The following ZNF473 variants were observed in gnomAD, a reference collection of about 807,000 sequenced individuals.
The protein encoded by ZNF473 is zinc finger protein 100 homolog.
ZNF473 carries 4 observed loss-of-function variants against 11.1 expected under a neutral mutation model. The ratio of observed to expected loss-of-function variants is 0.36; its 90% CI spans 0.18 to 0.82. ZNF473 has a LOEUF of 0.82. ZNF473 is among the 40% of genes least tolerant of loss of function. The probability of loss-of-function intolerance (pLI) is 0.49; values close to 1 mark genes in which losing one functional copy is unlikely to be tolerated. For missense variants in ZNF473, 854 were observed against 1,084.0 expected (o/e 0.79, Z 2.98); for synonymous variants, 404 against 390.4 (o/e 1.03, Z -0.41).
In ZNF473 at chr19:50,044,516, G is replaced by A. The variant is rs10410738; in HGVS notation, c.227-154G>A. On this transcript the variant is annotated intron_variant, in intron 4 of 4. Coordinates refer to ENST00000270617, the MANE Select transcript of ZNF473 (RefSeq NM_015428.4). ...CTCCCTTCTTGACCCTCCTGGGAAT[G>A]GGCTCTGTCTGTTTTCTGTGATGCC... 0.018 allele frequency: 11,187 copies of A among 618,540 alleles called. 937 individuals are homozygous for A. The African/African-American group carries it at 0.18, about 10-fold the overall frequency. 38.3% of individuals were successfully genotyped at this position (618,540 alleles called of 1,614,324 possible).
intron 4 of ZNF473, chr19:50,043,461 A>C (rs998182808): frequency 2.8e-5 from 4 of 145,286 alleles, no homozygotes; most frequent in African/African-American, 7.5e-5. Flanking sequence ...ATATATATAT[A>C]TATATATATA....
chr19:50,032,283 A>G (rs2077322411), intron 2 of ZNF473, among the ~76,000 whole-genome samples: 2 of 151,388 alleles, frequency 1.3e-5, no homozygotes, highest in South Asian at 4.2e-4. Context: ...TACTCTTGAC[A>G]GGATATAGAC....
At position 50,045,669 on chromosome 19, in the gene ZNF473, G is replaced by A; in HGVS notation, c.1226G>A (p.Gly409Glu). The change falls in exon 5 of 5, where the codon GGG (glycine) becomes GAG (glutamate). Residue 409 changes from glycine (G) to glutamate (E), a missense_variant. Physicochemically the swap from Gly to Glu is moderately conservative, Grantham distance 98. This residue lies in a region of ZNF473 where 668 missense variants were observed against 790.2 expected (regional missense o/e 0.85). Transcript: ENST00000270617. ...GEEPYKCNER[G>E]KSFRHNSTLK... is the part of the protein sequence containing the mutation. ...GAGCCTTATAAGTGTAACGAACGTGGGAAATCCTTCAGGCATAACTCTACC... is the reference window on the plus strand; with the variant it reads ...GAGCCTTATAAGTGTAACGAACGTGAGAAATCCTTCAGGCATAACTCTACC... The A allele has an allele frequency of 6.2e-7, 1 of 1,614,048 alleles. No homozygotes were observed. The highest frequency in any genetic ancestry group is 8.5e-7 in the Non-Finnish European group (1 of 1,179,990).
Position 50,044,845 on chromosome 19 carries a change from G to A in ZNF473, c.402G>A (p.Arg134=). The A allele has an allele frequency of 1.2e-6, 2 of 1,614,232 alleles. No homozygotes were observed. Among genetic ancestry groups the A allele is most frequent in the Non-Finnish European group, 1.7e-6 (2 of 1,180,042 alleles). ...TAGGCGATCCAGAAAGTCTTCTGAG[G>A]TCTGATATTGCCACCAACGGGGAAA... ...SLLGDPESLL[R]SDIATNGESP... is the part of the protein sequence containing the mutation. Residue 134 remains arginine, a synonymous_variant, in exon 5 of 5, where the codon AGG becomes AGA. Transcript: ENST00000270617.
chr19:50,039,293 T>G lies in ZNF473; in HGVS notation c.136+6T>G. On this transcript the variant is annotated splice_donor_region_variant and intron_variant, in intron 3 of 4. Coordinates refer to ENST00000270617, the MANE Select transcript of ZNF473 (RefSeq NM_015428.4). The surrounding 1 kb of genome is among the most constrained non-coding windows in gnomAD (Gnocchi z 4.8). ...CCAGGACCTCTTCCTGCTGGGTGAGTGTTGCCTGTCCCCAGGGGCCTACTC... is the reference window on the plus strand; with the variant it reads ...CCAGGACCTCTTCCTGCTGGGTGAGGGTTGCCTGTCCCCAGGGGCCTACTC... 27 of 1,613,764 alleles carry G rather than the reference T, an allele frequency of 1.7e-5. No individual in the cohort carries two copies. Among genetic ancestry groups the G allele is most frequent in the Non-Finnish European group, 2.3e-5 (27 of 1,179,804 alleles).
intron 2 of ZNF473, among the ~76,000 whole-genome samples, chr19:50,033,715 G>T (rs932541588): frequency 6.6e-6 from 1 of 152,264 alleles, no homozygotes; most frequent in East Asian, 1.9e-4. Flanking sequence ...TCCTTCTGGA[G>T]GCCCTAGGGA....
chr19:50,047,302 T>C lies in ZNF473; in HGVS notation c.*243T>C. The C allele has an allele frequency of 2.2e-6, 1 of 448,972 alleles. No homozygotes were observed. The highest frequency in any genetic ancestry group is 4.0e-6 in the Non-Finnish European group (1 of 247,066). The allele number at this position is 448,972 out of a possible 1,614,324, so 27.8% of individuals were successfully genotyped here. A position where few individuals can be genotyped will look rare whatever the true frequency, so the allele number is the denominator to read the frequency against. ...GTTAAATCCCACCTCTGCCATCTAC[T>C]ACCTAAGTGACCTTGGGAAGGTCAG... On this transcript the variant is annotated 3_prime_UTR_variant, in exon 5 of 5. Transcript: ENST00000270617.
Position 50,044,803 on chromosome 19 carries a change from C to A in ZNF473, c.360C>A (p.Thr120=). 6.2e-7 allele frequency: 1 copy of A among 1,614,168 alleles called. No individual in the cohort carries two copies. The highest frequency in any genetic ancestry group is 1.1e-5 in the South Asian group (1 of 91,078). Residue 120 remains threonine, a synonymous_variant, in exon 5 of 5, where the codon ACC becomes ACA. Coordinates refer to ENST00000270617, the MANE Select transcript of ZNF473 (RefSeq NM_015428.4). ...SNFGEACIED[T]WLDSLLGDPE... ...TCGGAGAAGCCTGTATAGAGGACAC[C>A]TGGTTAGATAGTTTGCTAGGCGATC...
chr19:50,046,794 A>T lies in ZNF473; in HGVS notation c.2351A>T (p.Lys784Met). The stretch of plus-strand genomic sequence containing the variant: ...CACCGGAGAGTTCACACTGGGGAGA[A>T]GCCCTACAGATGTGGTGAATGTGGG... ...SIHRRVHTGE[K>M]PYRCGECGKA... Residue 784 changes from lysine to methionine, a missense_variant, in exon 5 of 5, where the codon AAG (lysine) becomes ATG (methionine). Lys to Met is a moderately conservative substitution (Grantham distance 95). This residue lies in a region of ZNF473 where 186 missense variants were observed against 293.8 expected (regional missense o/e 0.63). Transcript: ENST00000270617. The surrounding 1 kb of genome is among the most constrained non-coding windows in gnomAD (Gnocchi z 5.9). The T allele has an allele frequency of 6.2e-7, 1 of 1,614,238 alleles. No homozygotes were observed. Among genetic ancestry groups the T allele is most frequent in the Non-Finnish European group, 8.5e-7 (1 of 1,180,038 alleles).
chr19:50,046,070 G>C lies in ZNF473; in HGVS notation c.1627G>C (p.Gly543Arg), dbSNP rs1335861232. 6.2e-7 allele frequency: 1 copy of C among 1,614,070 alleles called. No individual in the cohort carries two copies. Among genetic ancestry groups the C allele is most frequent in the Non-Finnish European group, 8.5e-7 (1 of 1,180,056 alleles). Reference protein sequence around the residue: ...HESVHAREKQGFFVSGKILDQ... With the variant: ...HESVHAREKQRFFVSGKILDQ... ...GAGTGTTCACGCCAGAGAAAAACAAGGATTTTTTGTGAGTGGGAAGATCTT... is the reference window on the plus strand; with the variant it reads ...GAGTGTTCACGCCAGAGAAAAACAACGATTTTTTGTGAGTGGGAAGATCTT... Residue 543 changes from glycine to arginine, a missense_variant, in exon 5 of 5, where the codon GGA becomes CGA. Gly to Arg is a moderately radical substitution (Grantham distance 125, BLOSUM62 -2). Coordinates refer to ENST00000270617, the MANE Select transcript of ZNF473 (RefSeq NM_015428.4). This position sits in a 1 kb window ranked among gnomAD's most constrained non-coding sequence, Gnocchi z 5.9.
Position 50,044,783 on chromosome 19 carries a change from G to A in ZNF473, c.340G>A (p.Glu114Lys), listed in dbSNP as rs1600761839. 1.9e-6 allele frequency: 3 copies of A among 1,614,242 alleles called. No homozygotes were observed. The highest frequency in any genetic ancestry group is 2.2e-5 in the East Asian group (1 of 44,892). The change falls in exon 5 of 5, where the codon GAA (glutamate) becomes AAA (lysine). Residue 114 changes from glutamate (E) to lysine (K), a missense_variant. Physicochemically the swap from Glu to Lys is moderately conservative, Grantham distance 56. Around this residue, in one of 2 missense-constraint regions of ZNF473, gnomAD observed 668 missense variants for 790.2 expected, o/e 0.85. Transcript: ENST00000270617. ...KDGFWNSNFG[E>K]ACIEDTWLDS... ...TGGCTTCTGGAACTCCAATTTCGGA[G>A]AAGCCTGTATAGAGGACACCTGGTT...
At position 50,028,170 on chromosome 19, in the gene ZNF473, C is replaced by T. The variant is rs1029449819; in HGVS notation, c.-192+2048C>T. On this transcript the variant is annotated intron_variant, in intron 1 of 4. Coordinates refer to ENST00000270617, the MANE Select transcript of ZNF473 (RefSeq NM_015428.4). ...AAAATTCTCCGGGCGTGGTGGCAGG[C>T]GCTTGTAGTCCCAGCTACTCAGGAG... Among the ~76,000 whole-genome samples, 9 of 152,030 alleles carry T rather than the reference C, an allele frequency of 5.9e-5. No individual in the cohort carries two copies. In the East Asian group the frequency reaches 7.8e-4, roughly 13 times the overall value.
intron 3 of ZNF473, among the ~76,000 whole-genome samples, chr19:50,040,203 A>C (rs1432212874): frequency 6.6e-6 from 1 of 152,230 alleles, no homozygotes. Context: ...GAGGAGGTAC[A>C]TGGGGCAAAG....
chr19:50,029,187 A>G (rs1391220065), intron 1 of ZNF473, among the ~76,000 whole-genome samples: 1 of 152,214 alleles, frequency 6.6e-6, no homozygotes, highest in Non-Finnish European at 1.5e-5. Context: ...TCTGTCGCCC[A>G]GGCTGGAGTG....
Position 50,046,423 on chromosome 19 carries a change from C to A in ZNF473, c.1980C>A (p.His660Gln). Residue 660 changes from histidine (H) to glutamine (Q), a missense_variant, in exon 5 of 5, where the codon CAC becomes CAA. Physicochemically the swap from His to Gln is conservative, Grantham distance 24. Coordinates refer to ENST00000270617, the MANE Select transcript of ZNF473 (RefSeq NM_015428.4). The surrounding 1 kb of genome is among the most constrained non-coding windows in gnomAD (Gnocchi z 5.9). ...GAAAGACCTTCAGCCACAGTGCACA[C>A]CTCTCAAAACATCAGTTAATTCACG... The part of the protein sequence containing the change: ...ECGKTFSHSA[H>Q]LSKHQLIHAG... The A allele has an allele frequency of 1.9e-6, 3 of 1,614,216 alleles. No individual in the cohort carries two copies. Among genetic ancestry groups the A allele is most frequent in the Non-Finnish European group, 2.5e-6 (3 of 1,180,040 alleles).
intron 4 of ZNF473, chr19:50,043,448 A>AAAT (rs1259545565): frequency 7.1e-4 from 77 of 107,882 alleles, no homozygotes; most frequent in Non-Finnish European, 8.7e-4. Context: ...AAAAAAAAAA[A>AAAT]ATATATATAT....
rs149731144 is a variant in ZNF473, at chr19:50,030,663, T to C, written c.-191-229T>C. Among the ~76,000 whole-genome samples, 963 of 152,374 alleles carry C rather than the reference T, an allele frequency of 6.3e-3. 5 individuals carry two copies. The highest frequency in any genetic ancestry group is 0.022 in the African/African-American group (927 of 41,592). Reference sequence around the variant, plus strand: ...CTTTTACACCTACTGTTAAAGCACCTACTGCGTACTAGGCACCATGCTGGT... The same window carrying C: ...CTTTTACACCTACTGTTAAAGCACCCACTGCGTACTAGGCACCATGCTGGT... On this transcript the variant is annotated intron_variant, in intron 1 of 4. Transcript: ENST00000270617.
At position 50,045,767 on chromosome 19, in the gene ZNF473, C is replaced by T. The variant is rs1373216690; in HGVS notation, c.1324C>T (p.Arg442Trp). 11 of 1,613,902 alleles carry T rather than the reference C, an allele frequency of 6.8e-6. No homozygotes were observed. Among genetic ancestry groups the T allele is most frequent in the African/African-American group, 1.3e-5 (1 of 74,854 alleles). Residue 442 changes from arginine (R) to tryptophan (W), a missense_variant, in exon 5 of 5, where the codon CGG becomes TGG. Around this residue, in one of 2 missense-constraint regions of ZNF473, gnomAD observed 668 missense variants for 790.2 expected, o/e 0.85. Transcript: ENST00000270617. The stretch of plus-strand genomic sequence containing the variant: ...CAGTGAGTGTGGGAAGGCCTTCCAC[C>T]GGCACACTCACCTTAATGAACATCG... Reference protein sequence around the residue: ...KCSECGKAFHRHTHLNEHRRI... With the variant: ...KCSECGKAFHWHTHLNEHRRI...
At chr19:50,026,742 G>A (rs942458639) in intron 1 of ZNF473, among the ~76,000 whole-genome samples, 1 of 152,044 alleles carries the variant, frequency 6.6e-6, no homozygotes, top group Non-Finnish European at 1.5e-5. Flanking sequence ...TTGGGAGGCC[G>A]AGGTGGGAGG....
Sources: gnomAD v4.1 joint callset for allele counts (sites outside exome capture counted in the v4.1 genomes callset) on GRCh38, gnomAD v4.1.1 for gene constraint, gnomAD v4.1.1 regional missense constraint, Gnocchi (gnomAD v3.1) non-coding constraint, MANE v1.5 for transcripts, NCBI Gene and HGNC (gene_info 2026-07-23, HGNC 2026-07-21) for gene names.